AIFM1: variants seen among roughly 807,000 people sequenced by gnomAD.
AIFM1 encodes apoptosis inducing factor mitochondria associated 1, also known as apoptosis-inducing factor 1, mitochondrial.
In AIFM1, 3 loss-of-function variants were observed where a neutral mutation model predicts 51.7. The ratio of observed to expected loss-of-function variants is 0.06; its 90% CI spans 0.03 to 0.15. AIFM1 has a LOEUF of 0.15. Among genes scored for constraint, AIFM1 ranks in the 10% least tolerant of loss-of-function variants. AIFM1 has a pLI of 1.00. For synonymous variants in AIFM1, 178 were observed against 179.4 expected (o/e 0.99, Z 0.06); for missense variants, 330 against 476.8 (o/e 0.69, Z 2.87).
intron 6 of AIFM1, among the ~76,000 whole-genome samples, chrX:130,143,089 T>C (rs1240541336): frequency 3.6e-5 from 4 of 111,951 alleles, no homozygotes; most frequent in African/African-American, 6.5e-5. Flanking sequence ...TGTGGGTTCT[T>C]CTTAAGCCTG....
At chrX:130,145,718 C>T in intron 5 of AIFM1, 149 bp from the exon 6 acceptor site, 1 of 491,145 alleles carries the variant, frequency 2.0e-6, no homozygotes, top group Non-Finnish European at 3.5e-6. Flanking sequence ...ATGGTCATGA[C>T]TTGCTTACAT....
chrX:130,162,117 G>T (rs1361661664), intron 1 of AIFM1, among the ~76,000 whole-genome samples: 1 of 112,085 alleles, frequency 8.9e-6, no homozygotes, highest in Non-Finnish European at 1.9e-5. Context: ...ATGTGCCAGA[G>T]ATGGTACAAG....
Position 130,136,308 on chromosome X carries a change from C to G in AIFM1, c.1165-123G>C, listed in dbSNP as rs924752178. On this transcript the variant is annotated intron_variant, in intron 11 of 15. Coordinates refer to ENST00000287295, the MANE Select transcript of AIFM1 (RefSeq NM_004208.4). ...TAAAAAATCATGGGTTAACTTACCT[C>G]TGATAAATGGATTTTAAGTTCTATT... The G allele has an allele frequency of 1.3e-5, 11 of 819,207 alleles. No individual in the cohort carries two copies. In the South Asian group the frequency reaches 2.5e-4, roughly 19 times the overall value. The allele number at this position is 819,207 out of a possible 1,213,427, so 67.5% of individuals were successfully genotyped here. A position where few individuals can be genotyped will look rare whatever the true frequency, so the allele number is the denominator to read the frequency against.
intron 5 of AIFM1, 24 bp downstream of exon 5, chrX:130,147,469 C>T: frequency 1.7e-6 from 2 of 1,211,276 alleles, no homozygotes; most frequent in Non-Finnish European, 2.2e-6. Flanking sequence ...AGTTGATAGG[C>T]TCATTTTACA....
At chrX:130,143,863 G>A (rs1376014602) in intron 6 of AIFM1, among the ~76,000 whole-genome samples, 1 of 110,151 alleles carries the variant, frequency 9.1e-6, no homozygotes, top group Non-Finnish European at 1.9e-5. Context: ...AAAAAGTACT[G>A]TACACTGTAC....
At chrX:130,146,888 G>A (rs1418281834) in intron 5 of AIFM1, among the ~76,000 whole-genome samples, 1 of 112,451 alleles carries the variant, frequency 8.9e-6, no homozygotes, top group Admixed American at 9.4e-5. Context: ...ATGGCTGGGG[G>A]CAGTGGCTCA....
chrX:130,163,898 G>A (rs573109178), intron 1 of AIFM1, among the ~76,000 whole-genome samples: 1 of 109,173 alleles, frequency 9.2e-6, no homozygotes, highest in Non-Finnish European at 1.9e-5. Flanking sequence ...GCTCACGCCT[G>A]TAATCCCAGC....
chrX:130,154,852 A>G (rs2031110219), intron 2 of AIFM1, among the ~76,000 whole-genome samples: 3 of 112,713 alleles, frequency 2.7e-5, no homozygotes, highest in African/African-American at 6.4e-5. Flanking sequence ...GCAGCACTAA[A>G]GCACAATATA....
rs2285103 is a variant in AIFM1, at chrX:130,131,931, G to A, written c.1449-132C>T. 227 of 798,421 alleles carry A rather than the reference G, an allele frequency of 2.8e-4. No homozygotes were observed. In the East Asian group the frequency reaches 6.7e-3, roughly 23 times the overall value. The allele number at this position is 798,421 out of a possible 1,213,427, so 65.8% of individuals were successfully genotyped here. A position where few individuals can be genotyped will look rare whatever the true frequency, so the allele number is the denominator to read the frequency against. ...TCGTTGCCCAGGCTGGAGTGCAATG[G>A]GTGCGAACTCAGTTCATTGCAACCT... On this transcript the variant is annotated intron_variant, in intron 13 of 15. Transcript: ENST00000287295.
At position 130,147,977 on chromosome X, in the gene AIFM1, C is replaced by T. The variant is rs756278646; in HGVS notation, c.350-101G>A. ...ACCTTGCACTTGTCTCAATCCTCCA[C>T]ATAAAGCTAGCAAAACATATGACCT... On this transcript the variant is annotated intron_variant, in intron 3 of 15. Coordinates refer to ENST00000287295, the MANE Select transcript of AIFM1 (RefSeq NM_004208.4). 2.2e-4 allele frequency: 237 copies of T among 1,062,724 alleles called. 1 individual carries two copies. The highest frequency in any genetic ancestry group is 6.6e-6 in the Non-Finnish European group (5 of 762,430). 87.6% of individuals were successfully genotyped at this position (1,062,724 alleles called of 1,213,427 possible).
At chrX:130,146,473 GTGTGT>G (rs1391126797) in intron 5 of AIFM1, among the ~76,000 whole-genome samples, 1 of 108,107 alleles carries the variant, frequency 9.3e-6, no homozygotes, top group Admixed American at 1.0e-4. Flanking sequence ...GTGTGTGTGT[GTGTGT>G]GTGTGTGTGT....
Position 130,129,544 on chromosome X carries a change from C to G in AIFM1, c.*13G>C. 1 of 1,208,649 alleles carries G rather than the reference C, an allele frequency of 8.3e-7. No homozygotes were observed. On this transcript the variant is annotated 3_prime_UTR_variant, in exon 16 of 16. Transcript: ENST00000287295. The stretch of plus-strand genomic sequence containing the variant: ...AGGGGCTGCAGTGGGTTTGCCAATT[C>G]CACTGTGGGGCTTCAGTCTTCATGA...
At chrX:130,150,981 A>AAAAAAAAAAAAG (rs2030951337) in intron 2 of AIFM1, among the ~76,000 whole-genome samples, 2 of 102,178 alleles carry the variant, frequency 2.0e-5, no homozygotes, top group African/African-American at 7.2e-5. Flanking sequence ...CTGTCTCAAA[A>AAAAAAAAAAAAG]AAAAAAAAAA....
intron 1 of AIFM1, among the ~76,000 whole-genome samples, chrX:130,158,433 A>G (rs1194559897): frequency 1.8e-5 from 2 of 111,117 alleles, no homozygotes; most frequent in Non-Finnish European, 3.8e-5. Context: ...CAATGCCCTG[A>G]AGGTTTTATA....
chrX:130,160,258 C>A (rs1293018351), intron 1 of AIFM1, among the ~76,000 whole-genome samples: 1 of 111,834 alleles, frequency 8.9e-6, no homozygotes, highest in Non-Finnish European at 1.9e-5. Flanking sequence ...ACCTTTCTCC[C>A]CATAGCTTCA....
Position 130,136,636 on chromosome X carries a change from T to A in AIFM1, c.1164+7A>T. ...GCCTCTTGGCAGACTATCTTTTCCT[T>A]CCTTACCTTCCTGCCGTCTTTCAGC... is the stretch of plus-strand genomic sequence containing the variant. On this transcript the variant is annotated splice_region_variant and intron_variant, in intron 11 of 15. Coordinates refer to ENST00000287295, the MANE Select transcript of AIFM1 (RefSeq NM_004208.4). The A allele has an allele frequency of 8.3e-7, 1 of 1,206,874 alleles. No individual in the cohort carries two copies. Among genetic ancestry groups the A allele is most frequent in the East Asian group, 3.0e-5 (1 of 33,756 alleles).
chrX:130,163,372 T>C (rs1603232258), intron 1 of AIFM1, among the ~76,000 whole-genome samples: 1 of 109,623 alleles, frequency 9.1e-6, no homozygotes, highest in East Asian at 2.8e-4. Context: ...CGAACCTTGC[T>C]CTTTCCCACC....
At chrX:130,153,995 A>G (rs2031084765) in intron 2 of AIFM1, among the ~76,000 whole-genome samples, 2 of 112,571 alleles carry the variant, frequency 1.8e-5, no homozygotes, top group African/African-American at 6.5e-5. Flanking sequence ...TCTTGAGACT[A>G]ATACCAATTT....
rs187604646 is a variant in AIFM1, at chrX:130,129,650, T to C, written c.1771-22A>G. 2.5e-3 allele frequency: 2,940 copies of C among 1,185,156 alleles called. 4 individuals carry two copies. Among genetic ancestry groups the C allele is most frequent in the Non-Finnish European group, 3.0e-3 (2,655 of 873,247 alleles). On this transcript the variant is annotated intron_variant, in intron 15 of 15. Coordinates refer to ENST00000287295, the MANE Select transcript of AIFM1 (RefSeq NM_004208.4). ...TGATCTGAGGGAGAGAGAGTAACAA[T>C]AGGTCCCTAACTTACTCCATTGCGT...
Sources: gnomAD v4.1 joint callset for allele counts (sites outside exome capture counted in the v4.1 genomes callset) on GRCh38, gnomAD v4.1.1 for gene constraint, MANE v1.5 for transcripts, NCBI Gene and HGNC (gene_info 2026-07-23, HGNC 2026-07-21) for gene names.